The following TMPRSS12 variants were observed in gnomAD, a reference collection of about 807,000 sequenced individuals.
The protein encoded by TMPRSS12 is transmembrane serine protease 12.
In TMPRSS12, 25 loss-of-function variants were observed where a neutral mutation model predicts 26.0. The ratio of observed to expected loss-of-function variants is 0.96; its 90% CI spans 0.70 to 1.34. TMPRSS12 has a LOEUF of 1.34. Among genes scored for constraint, TMPRSS12 ranks in the 40% most tolerant of loss-of-function variants. TMPRSS12 has a pLI of 0.00. For synonymous variants in TMPRSS12, 150 were observed against 161.7 expected (o/e 0.93, Z 0.55); for missense variants, 441 against 440.1 (o/e 1.00, Z -0.02).
At chr12:50,870,444 A>G (rs1462315497) in intron 3 of TMPRSS12, among the ~76,000 whole-genome samples, 1 of 152,172 alleles carries the variant, frequency 6.6e-6, no homozygotes, top group Non-Finnish European at 1.5e-5. Flanking sequence ...CATACAAGGG[A>G]TATACCTCAA....
At chr12:50,855,755 CAT>C (rs936764391) in intron 2 of TMPRSS12, among the ~76,000 whole-genome samples, 13 of 152,142 alleles carry the variant, frequency 8.5e-5, no homozygotes, top group African/African-American at 2.9e-4. Context: ...CACATGCATG[CAT>C]ATGTTTATTG....
intron 3 of TMPRSS12, among the ~76,000 whole-genome samples, chr12:50,872,773 A>G (rs1221700386): frequency 1.7e-5 from 2 of 115,460 alleles, no homozygotes; most frequent in East Asian, 5.8e-4. Context: ...TATATGACGT[A>G]TATATGTACA....
chr12:50,843,806 TGCTC>T (rs1481739475), intron 1 of TMPRSS12, 32 bp from the exon 2 acceptor site: 1 of 1,539,980 alleles, frequency 6.5e-7, no homozygotes, highest in South Asian at 1.2e-5. Flanking sequence ...ATACTATAGA[TGCTC>T]AGTCCAAATA....
rs1377238745 is a variant in TMPRSS12, at chr12:50,887,376, A to G, written c.910A>G (p.Ile304Val). 2 of 1,613,932 alleles carry G rather than the reference A, an allele frequency of 1.2e-6. No homozygotes were observed. Among genetic ancestry groups the G allele is most frequent in the East Asian group, 2.2e-5 (1 of 44,882 alleles). The change falls in exon 5 of 5, where the codon ATT becomes GTT. Residue 304 changes from isoleucine to valine, a missense_variant. By Grantham distance (29) the Ile-to-Val change is conservative. Transcript: ENST00000398458. Reference sequence around the variant, plus strand: ...TCGAAGAGGTTTTCCTGGTGTCTATATTGGGCCATCCTTCTACCAAAAGTG... The same window carrying G: ...TCGAAGAGGTTTTCCTGGTGTCTATGTTGGGCCATCCTTCTACCAAAAGTG... ...CGRRGFPGVY[I>V]GPSFYQKWLT...
chr12:50,872,265 G>C (rs1376499964), intron 3 of TMPRSS12, among the ~76,000 whole-genome samples: 1 of 152,006 alleles, frequency 6.6e-6, no homozygotes, highest in Non-Finnish European at 1.5e-5. Context: ...TGTAATCCCA[G>C]CACTTTGGGA....
chr12:50,876,523 G>A (rs1938114146), intron 3 of TMPRSS12, among the ~76,000 whole-genome samples: 1 of 152,160 alleles, frequency 6.6e-6, no homozygotes, highest in Non-Finnish European at 1.5e-5. Context: ...AGACTGGATA[G>A]GCCGGGTGCG....
At chr12:50,849,621 G>C (rs559791242) in intron 2 of TMPRSS12, among the ~76,000 whole-genome samples, 3 of 152,032 alleles carry the variant, frequency 2.0e-5, no homozygotes, top group African/African-American at 7.2e-5. Context: ...GTGATATAAA[G>C]AGAGTCATGC....
chr12:50,870,104 G>T (rs1938028273), intron 3 of TMPRSS12, among the ~76,000 whole-genome samples: 1 of 152,012 alleles, frequency 6.6e-6, no homozygotes, highest in Non-Finnish European at 1.5e-5. Flanking sequence ...TAAGGCAGGA[G>T]AATTGCTTGA....
In TMPRSS12 at chr12:50,887,423, T is replaced by G; in HGVS notation, c.957T>G (p.His319Gln). 1 of 1,613,960 alleles carries G rather than the reference T, an allele frequency of 6.2e-7. No homozygotes were observed. The highest frequency in any genetic ancestry group is 8.5e-7 in the Non-Finnish European group (1 of 1,179,878). Residue 319 changes from histidine (H) to glutamine (Q), a missense_variant, in exon 5 of 5, where the codon CAT becomes CAG. By Grantham distance (24) the His-to-Gln change is conservative (BLOSUM62 0). Transcript: ENST00000398458. ...YQKWLTEHFF[H>Q]ASTQGILTIN... ...AGTGGCTGACAGAGCATTTCTTCCA[T>G]GCAAGCACTCAAGGCATACTTACTA... is the stretch of plus-strand genomic sequence containing the variant.
intron 3 of TMPRSS12, among the ~76,000 whole-genome samples, chr12:50,883,836 C>G (rs866181728): frequency 6.6e-6 from 1 of 151,964 alleles, no homozygotes. Flanking sequence ...AGACCCCATC[C>G]CTACCAAAAA....
At chr12:50,885,579 A>C (rs1269639663) in intron 4 of TMPRSS12, 191 bp downstream of exon 4, 2 of 692,604 alleles carry the variant, frequency 2.9e-6, no homozygotes, top group Non-Finnish European at 4.9e-6. Context: ...TGCTGTCATC[A>C]GTAGGCAGAA....
At chr12:50,885,431 G>T (rs1483319687) in intron 4 of TMPRSS12, 43 bp downstream of exon 4, 2 of 1,611,804 alleles carry the variant, frequency 1.2e-6, no homozygotes, top group East Asian at 4.5e-5. Context: ...TCTGAAGCCA[G>T]AAGGGAACTT....
intron 3 of TMPRSS12, among the ~76,000 whole-genome samples, chr12:50,864,651 ATTGTT>A (rs898758340): frequency 2.6e-5 from 4 of 152,054 alleles, no homozygotes; most frequent in Admixed American, 1.3e-4. Context: ...GCAATAGACT[ATTGTT>A]TTGTTTTGTT....
chr12:50,872,926 TG>T (rs1164913524), intron 3 of TMPRSS12, among the ~76,000 whole-genome samples: 783 of 63,930 alleles, frequency 0.012, 218 homozygotes, highest in East Asian at 0.04. Flanking sequence ...TGTACATATA[TG>T]ATGTATATAT....
intron 3 of TMPRSS12, among the ~76,000 whole-genome samples, chr12:50,882,620 A>C (rs1026929752): frequency 2.0e-5 from 3 of 152,284 alleles, no homozygotes. Context: ...TGTAAATTTT[A>C]GTACTTAGAC....
In TMPRSS12 at chr12:50,887,414, T is replaced by A; in HGVS notation, c.948T>A (p.His316Gln). The A allele has an allele frequency of 6.2e-7, 1 of 1,613,952 alleles. No individual in the cohort carries two copies. Among genetic ancestry groups the A allele is most frequent in the Non-Finnish European group, 8.5e-7 (1 of 1,179,872 alleles). ...PSFYQKWLTE[H>Q]FFHASTQGIL... is the part of the protein sequence containing the mutation. ...TCTACCAAAAGTGGCTGACAGAGCA[T>A]TTCTTCCATGCAAGCACTCAAGGCA... Residue 316 changes from histidine to glutamine, a missense_variant, in exon 5 of 5, where the codon CAT becomes CAA. Coordinates refer to ENST00000398458, the MANE Select transcript of TMPRSS12 (RefSeq NM_182559.3).
intron 3 of TMPRSS12, among the ~76,000 whole-genome samples, chr12:50,862,726 A>G (rs527752936): frequency 6.6e-6 from 1 of 152,174 alleles, no homozygotes; most frequent in African/African-American, 2.4e-5. Context: ...GAATTTCGCC[A>G]TGTTGGCCAG....
At chr12:50,854,346 G>A (rs1937856250) in intron 2 of TMPRSS12, among the ~76,000 whole-genome samples, 1 of 152,110 alleles carries the variant, frequency 6.6e-6, no homozygotes, top group African/African-American at 2.4e-5. Context: ...CAAACCCTCA[G>A]CCAATATCAT....
chr12:50,879,844 C>T (rs1938147697), intron 3 of TMPRSS12, among the ~76,000 whole-genome samples: 1 of 151,944 alleles, frequency 6.6e-6, no homozygotes, highest in Non-Finnish European at 1.5e-5. Flanking sequence ...GTGGTATATG[C>T]CTGTAGTCCC....
Sources: gnomAD v4.1 joint callset for allele counts (sites outside exome capture counted in the v4.1 genomes callset) on GRCh38, gnomAD v4.1.1 for gene constraint, MANE v1.5 for transcripts, NCBI Gene and HGNC (gene_info 2026-07-23, HGNC 2026-07-21) for gene names.